The following IMMP2L variants were observed in gnomAD, a reference collection of about 807,000 sequenced individuals.
IMMP2L encodes inner mitochondrial membrane peptidase subunit 2, also known as mitochondrial inner membrane protease subunit 2.
A neutral mutation model predicts 19.3 loss-of-function variants in IMMP2L; 18 were observed. That is an observed-to-expected ratio of 0.93 (90% confidence interval 0.64 to 1.38). The LOEUF is 1.38. IMMP2L is among the 40% of genes most tolerant of loss of function. The probability of loss-of-function intolerance (pLI) is 0.00; values close to 1 mark genes in which losing one functional copy is unlikely to be tolerated. For synonymous variants in IMMP2L, 76 were observed against 73.0 expected, an observed-to-expected ratio of 1.04 and a Z score of -0.21; for missense variants, 233 against 218.2, an observed-to-expected ratio of 1.07 and a Z score of -0.43.
intron 3 of IMMP2L, chr7:111,122,527 A>T (rs892781692): frequency 2.1e-5 from 10 of 465,516 alleles, no homozygotes; most frequent in Non-Finnish European, 3.8e-5. Context: ...TCCACCTTCA[A>T]AAAGTACATC....
chr7:111,255,123 C>G (rs1420202111), intron 3 of IMMP2L, among the ~76,000 whole-genome samples: 1 of 151,958 alleles, frequency 6.6e-6, no homozygotes, highest in Non-Finnish European at 1.5e-5. Context: ...ATTTTAACAA[C>G]CCCCACCGAT....
chr7:111,090,244 T>C (rs1454751161), intron 3 of IMMP2L, among the ~76,000 whole-genome samples: 2 of 152,200 alleles, frequency 1.3e-5, no homozygotes, highest in Non-Finnish European at 2.9e-5. Flanking sequence ...ATAAAAATGT[T>C]TTACATGTAT....
intron 3 of IMMP2L, among the ~76,000 whole-genome samples, chr7:111,378,295 T>C (rs1249447627): frequency 6.6e-6 from 1 of 152,016 alleles, no homozygotes; most frequent in Non-Finnish European, 1.5e-5. Context: ...TGGATTGTAT[T>C]GGCACTCAAA....
intron 4 of IMMP2L, among the ~76,000 whole-genome samples, chr7:110,956,999 G>A (rs1475440094): frequency 2.0e-5 from 3 of 151,798 alleles, no homozygotes; most frequent in African/African-American, 4.8e-5. Context: ...ATAATATTTC[G>A]GTGGAACTAA....
intron 3 of IMMP2L, among the ~76,000 whole-genome samples, chr7:111,278,778 T>G (rs556566665): frequency 3.3e-5 from 5 of 152,314 alleles, no homozygotes; most frequent in African/African-American, 1.2e-4. Context: ...CATACACAAG[T>G]AATCTAGTTT....
In IMMP2L at chr7:111,534,214, C is replaced by T. The variant is rs544394436; in HGVS notation, c.-2-12765G>A. 2.2e-4 allele frequency among the ~76,000 whole-genome samples: 34 copies of T among 152,050 alleles called. No homozygotes were observed. The East Asian group carries it at 4.2e-3, about 19-fold the overall frequency. The stretch of plus-strand genomic sequence containing the variant: ...TTTATGGATGCAAAGATATGATCAA[C>T]GATATTCAACATACCATTTTTATTG... On this transcript the variant is annotated intron_variant, in intron 1 of 5. Coordinates refer to ENST00000405709, the MANE Select transcript of IMMP2L (RefSeq NM_032549.4).
chr7:111,462,574 A>G (rs1840232669), intron 3 of IMMP2L, among the ~76,000 whole-genome samples: 1 of 152,182 alleles, frequency 6.6e-6, no homozygotes, highest in Admixed American at 6.6e-5. Context: ...GTGACAATAC[A>G]AGCATACAAT....
chr7:111,480,597 C>G (rs1328739694), intron 3 of IMMP2L, among the ~76,000 whole-genome samples: 3 of 55,060 alleles, frequency 5.4e-5, no homozygotes, highest in South Asian at 1.6e-3. Flanking sequence ...ATTTTACTGT[C>G]AAAAAAAAAA....
chr7:110,833,428 A>G (rs911545292), intron 5 of IMMP2L, among the ~76,000 whole-genome samples: 7 of 128,356 alleles, frequency 5.5e-5, no homozygotes, highest in Non-Finnish European at 1.0e-4. Context: ...GACAAGAGTG[A>G]AACTTCGTCT....
chr7:110,729,692 A>G lies in IMMP2L; in HGVS notation c.409-65971T>C, dbSNP rs76740568. On this transcript the variant is annotated intron_variant, in intron 5 of 5. Coordinates refer to ENST00000405709, the MANE Select transcript of IMMP2L (RefSeq NM_032549.4). ...CAAAGCAATGTATCTGTTCTCACTT[A>G]TAACTGGGAGCTGAATGATGAAAAC... Among the ~76,000 whole-genome samples, 139 of 152,330 alleles carry G rather than the reference A, an allele frequency of 9.1e-4. 1 individual carries two copies. Among genetic ancestry groups the G allele is most frequent in the Non-Finnish European group, 1.6e-3 (106 of 68,038 alleles).
chr7:111,275,189 G>A (rs1233148156), intron 3 of IMMP2L, among the ~76,000 whole-genome samples: 1 of 152,122 alleles, frequency 6.6e-6, no homozygotes, highest in African/African-American at 2.4e-5. Context: ...GTCAGTGCCT[G>A]TAAGTCAATG....
chr7:111,085,960 C>T (rs1188962127), intron 3 of IMMP2L, among the ~76,000 whole-genome samples: 2 of 152,072 alleles, frequency 1.3e-5, no homozygotes, highest in African/African-American at 2.4e-5. Context: ...CCACTGGTGC[C>T]TCCTGGAGGG....
intron 4 of IMMP2L, among the ~76,000 whole-genome samples, chr7:110,925,909 T>C (rs749889951): frequency 1.3e-5 from 2 of 152,098 alleles, no homozygotes; most frequent in African/African-American, 2.4e-5. Context: ...GAACACATAG[T>C]ATAAGACCTA....
At chr7:111,210,381 C>A (rs912024803) in intron 3 of IMMP2L, among the ~76,000 whole-genome samples, 8 of 152,104 alleles carry the variant, frequency 5.3e-5, no homozygotes, top group African/African-American at 1.9e-4. Flanking sequence ...TGTAAACTTA[C>A]AATTGCAAAA....
intron 5 of IMMP2L, among the ~76,000 whole-genome samples, chr7:110,713,507 G>A (rs532882956): frequency 2.6e-5 from 4 of 152,032 alleles, no homozygotes; most frequent in African/African-American, 9.7e-5. Flanking sequence ...TGGGCAGTAC[G>A]GTATTTTCAG....
intron 4 of IMMP2L, among the ~76,000 whole-genome samples, chr7:110,907,024 G>A (rs1317740571): frequency 6.6e-6 from 1 of 152,038 alleles, no homozygotes; most frequent in Non-Finnish European, 1.5e-5. Context: ...AACTCCATGA[G>A]GGCCCTGCAG....
chr7:110,731,717 C>T (rs1796286672), intron 5 of IMMP2L, among the ~76,000 whole-genome samples: 1 of 152,184 alleles, frequency 6.6e-6, no homozygotes, highest in Non-Finnish European at 1.5e-5. Flanking sequence ...GAATTCTTGA[C>T]ATGCTCAAAT....
chr7:111,459,606 A>G (rs919654870), intron 3 of IMMP2L, among the ~76,000 whole-genome samples: 1 of 152,160 alleles, frequency 6.6e-6, no homozygotes, highest in African/African-American at 2.4e-5. Flanking sequence ...AATACAAGCA[A>G]AAGTGGTATG....
intron 5 of IMMP2L, among the ~76,000 whole-genome samples, chr7:110,824,946 A>T (rs1416678072): frequency 1.3e-5 from 2 of 152,120 alleles, no homozygotes; most frequent in African/African-American, 4.8e-5. Flanking sequence ...AAACGCCATC[A>T]TCTCAGCCCA....
Sources: allele counts gnomAD v4.1 joint callset (sites outside exome capture counted in the v4.1 genomes callset), GRCh38; gene constraint gnomAD v4.1.1; transcripts MANE v1.5; gene names NCBI Gene and HGNC (gene_info 2026-07-23, HGNC 2026-07-21).